Variants in CDKAL1 observed in about 807,000 individuals in gnomAD.
CDKAL1 encodes the protein CDKAL1 threonylcarbamoyladenosine tRNA methylthiotransferase, also known as threonylcarbamoyladenosine tRNA methylthiotransferase.
CDKAL1 carries 32 observed loss-of-function variants against 68.2 expected under a neutral mutation model. That is an observed-to-expected ratio of 0.47 (90% confidence interval 0.35 to 0.63). The LOEUF (loss-of-function observed/expected upper bound fraction) is 0.63, where lower values mean the gene tolerates loss of function less well. Ranked by LOEUF, CDKAL1 falls within the 30% of genes least tolerant of loss-of-function variation. The pLI is 0.00. For synonymous variants in CDKAL1, 234 were observed against 244.3 expected (o/e 0.96, Z 0.39); for missense variants, 606 against 696.7 (o/e 0.87, Z 1.47).
chr6:20,546,283 T>C, intron 2 of CDKAL1, 63 bp from the exon 3 acceptor site: 2 of 1,245,338 alleles, frequency 1.6e-6, no homozygotes, highest in Non-Finnish European at 2.2e-6. Flanking sequence ...GAATATTTCA[T>C]AAATGATGCT....
chr6:21,004,648 C>T (rs1322892322), intron 11 of CDKAL1, among the ~76,000 whole-genome samples: 1 of 152,010 alleles, frequency 6.6e-6, no homozygotes, highest in Non-Finnish European at 1.5e-5. Flanking sequence ...ACAAAGCAAG[C>T]GGTGCAATTC....
chr6:21,076,116 G>A (rs1256208645), intron 12 of CDKAL1, among the ~76,000 whole-genome samples: 1 of 152,152 alleles, frequency 6.6e-6, no homozygotes, highest in African/African-American at 2.4e-5. Flanking sequence ...ATGTAAGGGA[G>A]TGTTTCTAAG....
intron 10 of CDKAL1, among the ~76,000 whole-genome samples, chr6:20,963,089 A>G (rs943687778): frequency 2.0e-5 from 3 of 152,212 alleles, no homozygotes; most frequent in Admixed American, 1.3e-4. Flanking sequence ...TTCATTGGGA[A>G]CCTAATTCTG....
chr6:20,938,283 A>G (rs567978701), intron 9 of CDKAL1, among the ~76,000 whole-genome samples: 4 of 152,264 alleles, frequency 2.6e-5, no homozygotes, highest in African/African-American at 9.6e-5. Context: ...CTGGCACCAG[A>G]AAGTGTTTTA....
chr6:21,177,692 A>G (rs1011808470), intron 13 of CDKAL1, among the ~76,000 whole-genome samples: 2 of 151,012 alleles, frequency 1.3e-5, no homozygotes, highest in African/African-American at 4.9e-5. Context: ...TAGCAAAGAG[A>G]TATATTATCT....
intron 4 of CDKAL1, among the ~76,000 whole-genome samples, chr6:20,578,829 T>C (rs1290948152): frequency 6.6e-6 from 1 of 152,212 alleles, no homozygotes; most frequent in Non-Finnish European, 1.5e-5. Context: ...CTGATTGTTT[T>C]CTCAGGACTA....
chr6:20,568,057 T>C (rs1581738347), intron 4 of CDKAL1, among the ~76,000 whole-genome samples: 1 of 152,034 alleles, frequency 6.6e-6, no homozygotes, highest in African/African-American at 2.4e-5. Flanking sequence ...TTTGTACTTT[T>C]AGTAGAGACG....
intron 15 of CDKAL1, among the ~76,000 whole-genome samples, chr6:21,209,062 T>C (rs370825711): frequency 2.6e-5 from 4 of 152,226 alleles, no homozygotes; most frequent in South Asian, 4.1e-4. Flanking sequence ...AGGGAACTAA[T>C]TGTGCCTTGA....
At chr6:20,563,892 A>T (rs113942489) in intron 4 of CDKAL1, among the ~76,000 whole-genome samples, 2 of 152,214 alleles carry the variant, frequency 1.3e-5, no homozygotes, top group Non-Finnish European at 2.9e-5. Context: ...CAGAATAATT[A>T]TATAACTTGG....
intron 5 of CDKAL1, among the ~76,000 whole-genome samples, chr6:20,694,464 A>C (rs1256124850): frequency 6.6e-6 from 1 of 152,064 alleles, no homozygotes. Flanking sequence ...CATTTTTTTG[A>C]GTTGCGTAGA....
chr6:20,718,945 T>C (rs1772218685), intron 5 of CDKAL1, among the ~76,000 whole-genome samples: 1 of 152,226 alleles, frequency 6.6e-6, no homozygotes, highest in South Asian at 2.1e-4. Flanking sequence ...CAATAATAGA[T>C]TTTTAGTCCT....
intron 12 of CDKAL1, among the ~76,000 whole-genome samples, chr6:21,105,089 G>C (rs764800552): frequency 6.6e-6 from 1 of 152,080 alleles, no homozygotes; most frequent in Non-Finnish European, 1.5e-5. Flanking sequence ...GTTAGCATCC[G>C]TCATTTTTCT....
intron 5 of CDKAL1, among the ~76,000 whole-genome samples, chr6:20,650,154 T>A (rs186156440): frequency 6.6e-5 from 10 of 152,274 alleles, no homozygotes; most frequent in African/African-American, 1.9e-4. Flanking sequence ...TCTTCCACAA[T>A]GGTTTAATTA....
chr6:21,142,625 T>C (rs771813755), intron 13 of CDKAL1, among the ~76,000 whole-genome samples: 24 of 152,218 alleles, frequency 1.6e-4, no homozygotes, highest in Non-Finnish European at 2.9e-4. Flanking sequence ...CCAGGTATTA[T>C]GAAGATTCAG....
At chr6:20,605,998 C>T (rs1766317738) in intron 4 of CDKAL1, among the ~76,000 whole-genome samples, 1 of 152,192 alleles carries the variant, frequency 6.6e-6, no homozygotes, top group Non-Finnish European at 1.5e-5. Flanking sequence ...TCTGGACTGA[C>T]TGCCTTGCAC....
At position 20,831,333 on chromosome 6, in the gene CDKAL1, C is replaced by T. The variant is rs189523116; in HGVS notation, c.639-14742C>T. 7.2e-5 allele frequency among the ~76,000 whole-genome samples: 11 copies of T among 152,220 alleles called. No homozygotes were observed. The East Asian group carries it at 1.4e-3, about 19-fold the overall frequency. On this transcript the variant is annotated intron_variant, in intron 8 of 15. Transcript: ENST00000274695. ...AAGTGGCAGTTGGTTGGCAAGAGGT[C>T]GGGTGAATATGGCGGAGGAGGCAAA...
intron 8 of CDKAL1, among the ~76,000 whole-genome samples, chr6:20,835,344 G>A (rs191341360): frequency 1.6e-3 from 241 of 152,230 alleles, no homozygotes; most frequent in Non-Finnish European, 3.0e-3. Context: ...TACATACTAA[G>A]CAATAAACAA....
chr6:21,049,548 G>C (rs1231839489), intron 11 of CDKAL1, among the ~76,000 whole-genome samples: 1 of 152,088 alleles, frequency 6.6e-6, no homozygotes, highest in Non-Finnish European at 1.5e-5. Flanking sequence ...ATATTATCCA[G>C]TATGCTTACT....
intron 10 of CDKAL1, among the ~76,000 whole-genome samples, chr6:20,970,830 CTTCT>C (rs1456597212): frequency 6.6e-6 from 1 of 152,032 alleles, no homozygotes; most frequent in Admixed American, 6.6e-5. Context: ...TGGTTAATTG[CTTCT>C]TTCTGTTTTT....
Sources: gnomAD v4.1 joint callset for allele counts (sites outside exome capture counted in the v4.1 genomes callset) on GRCh38, gnomAD v4.1.1 for gene constraint, MANE v1.5 for transcripts, NCBI Gene and HGNC (gene_info 2026-07-23, HGNC 2026-07-21) for gene names.